Variants in LRRC20 observed in about 807,000 individuals in gnomAD.
The protein encoded by LRRC20 is leucine-rich repeat-containing protein 20.
In LRRC20, 11 loss-of-function variants were observed where a neutral mutation model predicts 14.4. The ratio of observed to expected loss-of-function variants is 0.77; its 90% CI spans 0.48 to 1.27. The LOEUF is 1.27. Ranked by LOEUF, LRRC20 falls within the 50% of genes most tolerant of loss-of-function variation. The probability of loss-of-function intolerance (pLI) is 0.00; values close to 1 mark genes in which losing one functional copy is unlikely to be tolerated. For synonymous variants in LRRC20, 121 were observed against 107.3 expected (o/e 1.13, Z -0.79); for missense variants, 219 against 251.2 (o/e 0.87, Z 0.87).
chr10:70,317,436 A>G (rs1841905137), intron 4 of LRRC20, among the ~76,000 whole-genome samples: 1 of 151,788 alleles, frequency 6.6e-6, no homozygotes, highest in Non-Finnish European at 1.5e-5. Context: ...CAGTGGTGCA[A>G]TCATAGTTCA....
chr10:70,320,354 C>T (rs1015794426), intron 4 of LRRC20, among the ~76,000 whole-genome samples: 1 of 143,512 alleles, frequency 7.0e-6, no homozygotes, highest in Admixed American at 7.0e-5. Flanking sequence ...TAGATCTGTG[C>T]ATGCACATAG....
At chr10:70,342,403 T>C (rs934878350) in intron 2 of LRRC20, among the ~76,000 whole-genome samples, 2 of 152,088 alleles carry the variant, frequency 1.3e-5, no homozygotes, top group African/African-American at 4.8e-5. Context: ...AGTGGATGAA[T>C]TGTGTGGCAT....
At chr10:70,364,458 C>T (rs920000520) in intron 2 of LRRC20, among the ~76,000 whole-genome samples, 3 of 152,198 alleles carry the variant, frequency 2.0e-5, no homozygotes, top group African/African-American at 7.2e-5. Flanking sequence ...AATTTCTGAA[C>T]GAAGAAAATG....
chr10:70,367,437 A>C (rs921480891), intron 2 of LRRC20, among the ~76,000 whole-genome samples: 3 of 152,220 alleles, frequency 2.0e-5, no homozygotes, highest in African/African-American at 7.2e-5. Flanking sequence ...ATGTTAAAAA[A>C]TGAAACAGTC....
intron 2 of LRRC20, among the ~76,000 whole-genome samples, chr10:70,342,672 T>C (rs1351401454): frequency 1.3e-5 from 2 of 152,196 alleles, no homozygotes; most frequent in Non-Finnish European, 2.9e-5. Flanking sequence ...AGAAGATACT[T>C]AGCAGGAATG....
At chr10:70,377,582 C>T (rs1048395505) in intron 1 of LRRC20, among the ~76,000 whole-genome samples, 2 of 152,178 alleles carry the variant, frequency 1.3e-5, no homozygotes, top group Non-Finnish European at 2.9e-5. Flanking sequence ...AGCACCCCTT[C>T]TTTGCCCCCA....
chr10:70,354,604 C>T (rs1423539292), intron 2 of LRRC20, among the ~76,000 whole-genome samples: 1 of 152,194 alleles, frequency 6.6e-6, no homozygotes, highest in South Asian at 2.1e-4. Flanking sequence ...CAGGCCTCCT[C>T]CTGATGTAGC....
chr10:70,336,259 T>C (rs998553798), intron 3 of LRRC20, among the ~76,000 whole-genome samples: 21 of 152,112 alleles, frequency 1.4e-4, no homozygotes, highest in African/African-American at 4.8e-4. Flanking sequence ...CTGGATTGAG[T>C]TGACGGGCAG....
intron 2 of LRRC20, among the ~76,000 whole-genome samples, chr10:70,373,392 G>A (rs986426692): frequency 7.9e-5 from 12 of 152,174 alleles, no homozygotes; most frequent in Middle Eastern, 3.4e-3. Flanking sequence ...GTAGGTGGTG[G>A]GCTGGTCTCA....
At chr10:70,326,566 G>A (rs1415658678) in intron 3 of LRRC20, among the ~76,000 whole-genome samples, 1 of 152,170 alleles carries the variant, frequency 6.6e-6, no homozygotes, top group African/African-American at 2.4e-5. Flanking sequence ...GGAACCCAAG[G>A]TTCCATCAAC....
In LRRC20 at chr10:70,315,332, A is replaced by G. The variant is rs74610366; in HGVS notation, c.400+8531T>C. 8.6e-3 allele frequency among the ~76,000 whole-genome samples: 1,312 copies of G among 152,326 alleles called. 20 individuals carry two copies. Among genetic ancestry groups the G allele is most frequent in the African/African-American group, 0.03 (1,260 of 41,554 alleles). On this transcript the variant is annotated intron_variant, in intron 4 of 4. Coordinates refer to ENST00000446961, the MANE Select transcript of LRRC20 (RefSeq NM_001278212.2). ...ATGAAGGAACATTTCCCAAATGCCC[A>G]AATTCAAAAGTGTCCCCAGAGGGTT...
chr10:70,362,102 T>G (rs1459993085), intron 2 of LRRC20, among the ~76,000 whole-genome samples: 1 of 152,196 alleles, frequency 6.6e-6, no homozygotes, highest in African/African-American at 2.4e-5. Flanking sequence ...CGAGAATCAC[T>G]TGAACCCAGG....
intron 4 of LRRC20, among the ~76,000 whole-genome samples, chr10:70,316,426 C>T (rs1459810126): frequency 6.6e-6 from 1 of 152,248 alleles, no homozygotes; most frequent in Non-Finnish European, 1.5e-5. Flanking sequence ...AGCCACCGCG[C>T]CCGGCCCTTT....
chr10:70,329,116 C>G (rs1310539435), intron 3 of LRRC20, among the ~76,000 whole-genome samples: 1 of 152,206 alleles, frequency 6.6e-6, no homozygotes, highest in Non-Finnish European at 1.5e-5. Context: ...AAATATTACT[C>G]AGCACCTACC....
In LRRC20 at chr10:70,344,635, C is replaced by T. The variant is rs144771574; in HGVS notation, c.83-3933G>A. 2.0e-3 allele frequency among the ~76,000 whole-genome samples: 301 copies of T among 152,268 alleles called. 1 individual carries two copies. The highest frequency in any genetic ancestry group is 6.7e-3 in the African/African-American group (279 of 41,548). On this transcript the variant is annotated intron_variant, in intron 2 of 4. Coordinates refer to ENST00000446961, the MANE Select transcript of LRRC20 (RefSeq NM_001278212.2). ...AGGCTGGAGTGCAGTGGCACGATCTCGGCTCACTGCAGCCTCGAACTCCTG... is the reference window on the plus strand; with the variant it reads ...AGGCTGGAGTGCAGTGGCACGATCTTGGCTCACTGCAGCCTCGAACTCCTG...
intron 2 of LRRC20, among the ~76,000 whole-genome samples, chr10:70,370,062 T>C (rs1589126871): frequency 6.6e-6 from 1 of 152,070 alleles, no homozygotes; most frequent in Non-Finnish European, 1.5e-5. Flanking sequence ...AATAAAATAA[T>C]AAAAATCTAC....
At chr10:70,356,346 T>C (rs974943737) in intron 2 of LRRC20, among the ~76,000 whole-genome samples, 18 of 151,944 alleles carry the variant, frequency 1.2e-4, no homozygotes, top group Non-Finnish European at 1.5e-5. Context: ...ACCCTGGTTC[T>C]ATAAAAAATA....
chr10:70,305,223 T>G (rs528771367), intron 4 of LRRC20, among the ~76,000 whole-genome samples: 1 of 152,312 alleles, frequency 6.6e-6, no homozygotes, highest in East Asian at 1.9e-4. Flanking sequence ...TTCAGACCCA[T>G]GTCATAACGT....
intron 4 of LRRC20, among the ~76,000 whole-genome samples, chr10:70,306,408 C>A (rs748265859): frequency 6.6e-6 from 1 of 152,046 alleles, no homozygotes; most frequent in Non-Finnish European, 1.5e-5. Flanking sequence ...CTCTTTGGGC[C>A]CCTTTGTCTT....
Sources: gnomAD v4.1 joint callset for allele counts (sites outside exome capture counted in the v4.1 genomes callset) on GRCh38, gnomAD v4.1.1 for gene constraint, MANE v1.5 for transcripts, NCBI Gene and HGNC (gene_info 2026-07-23, HGNC 2026-07-21) for gene names.